PDZRN4: variants seen among roughly 807,000 people sequenced by gnomAD.
PDZRN4 encodes the protein PDZ domain-containing RING finger protein 4.
Under a neutral mutation model 99.0 loss-of-function variants are expected in PDZRN4, and 70 were observed. That is an observed-to-expected ratio of 0.71 (90% CI 0.58 to 0.86). The LOEUF (loss-of-function observed/expected upper bound fraction) is 0.86, where lower values mean the gene tolerates loss of function less well. Ranked by LOEUF, PDZRN4 falls within the 40% of genes least tolerant of loss-of-function variation. The pLI is 0.00. For missense variants in PDZRN4, 1,474 were observed against 1,331.2 expected (o/e 1.11, Z -1.67); for synonymous variants, 551 against 501.6 (o/e 1.10, Z -1.32).
At chr12:41,267,132 A>G (rs1348753947) in intron 3 of PDZRN4, among the ~76,000 whole-genome samples, 1 of 152,204 alleles carries the variant, frequency 6.6e-6, no homozygotes, top group African/African-American at 2.4e-5. Context: ...AGATAAACCT[A>G]TCCAGACTTT....
At chr12:41,435,209 A>G (rs1359545573) in intron 3 of PDZRN4, among the ~76,000 whole-genome samples, 3 of 152,204 alleles carry the variant, frequency 2.0e-5, no homozygotes, top group African/African-American at 7.2e-5. Flanking sequence ...GTGAGCTTCT[A>G]TTTGAACTTG....
intron 3 of PDZRN4, among the ~76,000 whole-genome samples, chr12:41,317,795 C>T (rs1023634832): frequency 1.3e-5 from 2 of 152,164 alleles, no homozygotes; most frequent in South Asian, 4.2e-4. Context: ...TCTCCACCTG[C>T]ACACACTGGG....
chr12:41,237,760 C>T (rs1255004739), intron 3 of PDZRN4, among the ~76,000 whole-genome samples: 1 of 152,100 alleles, frequency 6.6e-6, no homozygotes, highest in Non-Finnish European at 1.5e-5. Flanking sequence ...TCAGCTTTGT[C>T]AAAATTCACA....
chr12:41,213,592 C>T (rs1950901566), intron 3 of PDZRN4, among the ~76,000 whole-genome samples: 2 of 151,968 alleles, frequency 1.3e-5, no homozygotes, highest in South Asian at 4.2e-4. Flanking sequence ...GAGACAGAAA[C>T]TAAAAACTAT....
At chr12:41,354,103 G>A (rs1951910570) in intron 3 of PDZRN4, among the ~76,000 whole-genome samples, 1 of 152,074 alleles carries the variant, frequency 6.6e-6, no homozygotes, top group African/African-American at 2.4e-5. Flanking sequence ...AGGTTAGACA[G>A]GTTGAGTTTG....
intron 3 of PDZRN4, among the ~76,000 whole-genome samples, chr12:41,394,834 G>A (rs1397220265): frequency 2.0e-5 from 3 of 151,926 alleles, no homozygotes; most frequent in South Asian, 2.1e-4. Flanking sequence ...GAGAAAGAGA[G>A]GGCGAGAGAG....
chr12:41,287,690 T>TA (rs1347775017), intron 3 of PDZRN4, among the ~76,000 whole-genome samples: 2 of 152,214 alleles, frequency 1.3e-5, no homozygotes, highest in Non-Finnish European at 2.9e-5. Flanking sequence ...GAAAGCAACC[T>TA]AATCAAATAG....
intron 3 of PDZRN4, among the ~76,000 whole-genome samples, chr12:41,399,141 AAC>A (rs1417621072): frequency 1.3e-5 from 2 of 152,108 alleles, no homozygotes; most frequent in African/African-American, 4.8e-5. Flanking sequence ...GCAATTCAAA[AAC>A]ACTAACTTGA....
chr12:41,325,889 A>T (rs897005020), intron 3 of PDZRN4, among the ~76,000 whole-genome samples: 3 of 152,188 alleles, frequency 2.0e-5, no homozygotes, highest in Non-Finnish European at 4.4e-5. Context: ...TAAATTGAAA[A>T]GGCCTTCCAG....
intron 3 of PDZRN4, among the ~76,000 whole-genome samples, chr12:41,504,850 C>T (rs1409883760): frequency 4.6e-5 from 7 of 152,148 alleles, no homozygotes; most frequent in African/African-American, 1.7e-4. Flanking sequence ...CACTGGTAAA[C>T]ACCCAGTCAG....
At chr12:41,548,120 C>A (rs951468942) in intron 5 of PDZRN4, among the ~76,000 whole-genome samples, 1 of 152,164 alleles carries the variant, frequency 6.6e-6, no homozygotes, top group South Asian at 2.1e-4. Flanking sequence ...GTTGCAGCAA[C>A]TTGTTATGAA....
At chr12:41,206,333 A>G (rs1316574464) in intron 3 of PDZRN4, among the ~76,000 whole-genome samples, 3 of 151,856 alleles carry the variant, frequency 2.0e-5, no homozygotes, top group Non-Finnish European at 4.4e-5. Context: ...TAGTCCACAT[A>G]CTTGCAAAGA....
At chr12:41,359,615 GT>G (rs1951951330) in intron 3 of PDZRN4, among the ~76,000 whole-genome samples, 1 of 151,882 alleles carries the variant, frequency 6.6e-6, no homozygotes, top group Non-Finnish European at 1.5e-5. Context: ...AGATCTGATG[GT>G]TTTATAAATG....
At chr12:41,256,014 G>A (rs1192352161) in intron 3 of PDZRN4, among the ~76,000 whole-genome samples, 1 of 152,014 alleles carries the variant, frequency 6.6e-6, no homozygotes, top group African/African-American at 2.4e-5. Flanking sequence ...AGATTTGGAG[G>A]GGACACACAT....
At chr12:41,265,281 T>C (rs750584744) in intron 3 of PDZRN4, among the ~76,000 whole-genome samples, 1 of 152,188 alleles carries the variant, frequency 6.6e-6, no homozygotes, top group Non-Finnish European at 1.5e-5. Flanking sequence ...GGTTTATAAA[T>C]GCAAGACTTC....
At chr12:41,515,692 G>T (rs1391313689) in intron 5 of PDZRN4, among the ~76,000 whole-genome samples, 1 of 151,916 alleles carries the variant, frequency 6.6e-6, no homozygotes, top group African/African-American at 2.4e-5. Context: ...ATGCTCTGTG[G>T]CATGTTTCTC....
At chr12:41,447,333 TAATAAA>T (rs1405563232) in intron 3 of PDZRN4, among the ~76,000 whole-genome samples, 1 of 152,054 alleles carries the variant, frequency 6.6e-6, no homozygotes, top group East Asian at 1.9e-4. Flanking sequence ...ACATGGAAAA[TAATAAA>T]AATGTTTTAC....
At chr12:41,551,294 C>G (rs577562289) in intron 5 of PDZRN4, among the ~76,000 whole-genome samples, 1 of 152,160 alleles carries the variant, frequency 6.6e-6, no homozygotes, top group Non-Finnish European at 1.5e-5. Context: ...GCAGTTCTTA[C>G]GACCTACCAA....
At chr12:41,467,392 A>G (rs1952937896) in intron 3 of PDZRN4, among the ~76,000 whole-genome samples, 1 of 152,208 alleles carries the variant, frequency 6.6e-6, no homozygotes, top group South Asian at 2.1e-4. Context: ...GGTGTCTTTT[A>G]TAGGTGTTAA....
Sources: gnomAD v4.1 joint callset for allele counts (sites outside exome capture counted in the v4.1 genomes callset) on GRCh38, gnomAD v4.1.1 for gene constraint, MANE v1.5 for transcripts, NCBI Gene and HGNC (gene_info 2026-07-23, HGNC 2026-07-21) for gene names.